Variants in ATXN1 observed in about 807,000 individuals in gnomAD.
The protein encoded by ATXN1 is ataxin 1.
Under a neutral mutation model 56.4 loss-of-function variants are expected in ATXN1, and 8 were observed. The ratio of observed to expected loss-of-function variants is 0.14; its 90% CI spans 0.08 to 0.26. ATXN1 has a LOEUF of 0.26. Ranked by LOEUF, ATXN1 falls within the 10% of genes least tolerant of loss-of-function variation. The probability of loss-of-function intolerance (pLI) is 1.00; values close to 1 mark genes in which losing one functional copy is unlikely to be tolerated. For synonymous variants in ATXN1, 514 were observed against 494.6 expected (o/e 1.04, Z -0.52); for missense variants, 987 against 1,106.5 (o/e 0.89, Z 1.53).
intron 4 of ATXN1, among the ~76,000 whole-genome samples, chr6:16,573,588 G>A (rs529650112): frequency 1.0e-3 from 158 of 152,188 alleles, no homozygotes; most frequent in African/African-American, 3.8e-3. Flanking sequence ...AACAAGAACT[G>A]GGAACTCTGT....
At chr6:16,687,763 A>G (rs3812198) in intron 2 of ATXN1, among the ~76,000 whole-genome samples, 47,821 of 151,742 alleles carry the variant, frequency 0.32, 7,702 homozygotes, top group Non-Finnish European at 0.35. Flanking sequence ...ATTTATATTT[A>G]GAATACAAAT....
chr6:16,674,516 A>ATT (rs557068608), intron 2 of ATXN1, among the ~76,000 whole-genome samples: 18,082 of 138,172 alleles, frequency 0.13, 2,207 homozygotes, highest in African/African-American at 0.32. Context: ...CGCCCAGCTA[A>ATT]TTTTTTTTTT....
chr6:16,602,344 C>CA (rs565333955), intron 3 of ATXN1, among the ~76,000 whole-genome samples: 95 of 151,310 alleles, frequency 6.3e-4, no homozygotes, highest in African/African-American at 1.9e-3. Context: ...CTCCGCCCAC[C>CA]AAAAAAAATC....
At chr6:16,339,066 C>A (rs1456741421) in intron 6 of ATXN1, among the ~76,000 whole-genome samples, 1 of 152,152 alleles carries the variant, frequency 6.6e-6, no homozygotes, top group African/African-American at 2.4e-5. Flanking sequence ...GAGTAATTCC[C>A]AAGACGCATG....
At chr6:16,309,881 A>C (rs1239915380) in intron 7 of ATXN1, among the ~76,000 whole-genome samples, 1 of 152,064 alleles carries the variant, frequency 6.6e-6, no homozygotes, top group Non-Finnish European at 1.5e-5. Context: ...TAAAAATGCA[A>C]AAATTAGCTG....
At chr6:16,568,601 A>C (rs1298309038) in intron 4 of ATXN1, among the ~76,000 whole-genome samples, 1 of 152,192 alleles carries the variant, frequency 6.6e-6, no homozygotes, top group African/African-American at 2.4e-5. Flanking sequence ...AGGTGAAGAA[A>C]TCATGAGGAG....
intron 3 of ATXN1, among the ~76,000 whole-genome samples, chr6:16,607,836 T>C (rs1479130099): frequency 6.6e-6 from 1 of 152,190 alleles, no homozygotes; most frequent in Non-Finnish European, 1.5e-5. Context: ...ACATATCTTT[T>C]TGGGCATGGT....
chr6:16,692,370 T>C (rs751473753), intron 2 of ATXN1, among the ~76,000 whole-genome samples: 1 of 152,222 alleles, frequency 6.6e-6, no homozygotes, highest in Non-Finnish European at 1.5e-5. Flanking sequence ...ATTAACTATA[T>C]GGCAAGTAAT....
chr6:16,481,225 T>C (rs1285901297), intron 6 of ATXN1, among the ~76,000 whole-genome samples: 1 of 152,230 alleles, frequency 6.6e-6, no homozygotes, highest in Non-Finnish European at 1.5e-5. Context: ...CTCCCTCACT[T>C]GTCCAAAAGT....
chr6:16,637,761 C>T (rs12529751), intron 3 of ATXN1, among the ~76,000 whole-genome samples: 1 of 152,212 alleles, frequency 6.6e-6, no homozygotes, highest in Admixed American at 6.5e-5. Flanking sequence ...TATACTACAG[C>T]TACGCCAGGC....
At chr6:16,741,856 C>G (rs1040375107) in intron 2 of ATXN1, among the ~76,000 whole-genome samples, 2 of 152,228 alleles carry the variant, frequency 1.3e-5, no homozygotes, top group African/African-American at 4.8e-5. Flanking sequence ...AGTCTTCCTC[C>G]TTTTATATCT....
intron 6 of ATXN1, among the ~76,000 whole-genome samples, chr6:16,358,874 C>G (rs1761748106): frequency 6.6e-6 from 1 of 152,228 alleles, no homozygotes; most frequent in Admixed American, 6.5e-5. Flanking sequence ...CCCACGGCTG[C>G]AGACCTGGGC....
chr6:16,386,390 G>A (rs533274340), intron 6 of ATXN1, among the ~76,000 whole-genome samples: 1 of 152,322 alleles, frequency 6.6e-6, no homozygotes. Flanking sequence ...GGAGGGGGCT[G>A]AGAACATTTT....
intron 7 of ATXN1, among the ~76,000 whole-genome samples, chr6:16,312,562 T>C (rs1760416513): frequency 6.6e-6 from 1 of 151,932 alleles, no homozygotes. Flanking sequence ...TAAAGACTGA[T>C]AGGAGTGGCT....
chr6:16,583,314 T>C (rs201330353), intron 4 of ATXN1, among the ~76,000 whole-genome samples: 1 of 152,352 alleles, frequency 6.6e-6, no homozygotes, highest in Middle Eastern at 3.4e-3. Context: ...CACGTCGTTC[T>C]GTGTTTGTCT....
At position 16,300,814 on chromosome 6, in the gene ATXN1, AAG is replaced by A. The variant is rs1760066976; in HGVS notation, c.*5513_*5514del. 6.6e-6 allele frequency: 1 copy of A among 152,656 alleles called. No individual in the cohort carries two copies. Among genetic ancestry groups the A allele is most frequent in the Non-Finnish European group, 1.5e-5 (1 of 68,048 alleles). 9.5% of individuals were successfully genotyped at this position (152,656 alleles called of 1,614,324 possible). On this transcript the variant is annotated 3_prime_UTR_variant, in exon 8 of 8. Coordinates refer to ENST00000436367, the MANE Select transcript of ATXN1 (RefSeq NM_001128164.2). ...ATGTCAAACATCATCTCTGAAGAAA[AAG>A]AAGTTGCAATGGCTTAAGAGTTTAG... is the stretch of plus-strand genomic sequence containing the variant.
At position 16,503,133 on chromosome 6, in the gene ATXN1, G is replaced by A. The variant is rs149013040; in HGVS notation, c.-298-17024C>T. Among the ~76,000 whole-genome samples the A allele has an allele frequency of 1.5e-3, 225 of 152,198 alleles. 2 individuals are homozygous for A. In the East Asian group the frequency reaches 0.04, roughly 27 times the overall value. On this transcript the variant is annotated intron_variant, in intron 5 of 7. Coordinates refer to ENST00000436367, the MANE Select transcript of ATXN1 (RefSeq NM_001128164.2). ...TCTTATATAGAAATCTAATACACAA[G>A]ATAAATAAAATTGAGGCTACTTACA...
At chr6:16,612,527 ACAGT>A (rs1191234320) in intron 3 of ATXN1, among the ~76,000 whole-genome samples, 1 of 152,216 alleles carries the variant, frequency 6.6e-6, no homozygotes, top group Non-Finnish European at 1.5e-5. Context: ...TAGGCAGCTT[ACAGT>A]CAGAGGCAAA....
intron 2 of ATXN1, among the ~76,000 whole-genome samples, chr6:16,670,411 A>G (rs1011424487): frequency 3.3e-5 from 5 of 152,236 alleles, no homozygotes; most frequent in African/African-American, 1.2e-4. Context: ...TCTCCAAACT[A>G]TCACTAAAGA....
Sources: allele counts gnomAD v4.1 joint callset (sites outside exome capture counted in the v4.1 genomes callset), GRCh38; gene constraint gnomAD v4.1.1; transcripts MANE v1.5; gene names NCBI Gene and HGNC (gene_info 2026-07-23, HGNC 2026-07-21).